KCNH7: variants seen among roughly 807,000 people sequenced by gnomAD.
The protein encoded by KCNH7 is voltage-gated inwardly rectifying potassium channel KCNH7.
In KCNH7, 49 loss-of-function variants were observed where a neutral mutation model predicts 120.8. The ratio of observed to expected loss-of-function variants is 0.41; its 90% confidence interval spans 0.32 to 0.51. The LOEUF (loss-of-function observed/expected upper bound fraction) is 0.51. KCNH7 is among the 20% of genes least tolerant of loss of function. The pLI, the probability that KCNH7 is intolerant of heterozygous loss-of-function variation, is 0.38. For missense variants in KCNH7, 1,097 were observed against 1,446.6 expected, an observed-to-expected ratio of 0.76 and a Z score of 3.92; for synonymous variants, 547 against 516.1, an observed-to-expected ratio of 1.06 and a Z score of -0.81.
In KCNH7 at chr2:162,423,384, T is replaced by C. The variant is rs1167541536; in HGVS notation, c.2106A>G (p.Glu702=). Residue 702 remains glutamate, a synonymous_variant, in exon 9 of 16, where the codon GAA becomes GAG. Transcript: ENST00000332142. ...IPNPLRQRLE[E]YFQHAWTYTN... ...TGTAAGTCCATGCGTGCTGGAAATA[T>C]TCTTCAAGACGTTGCCTCAGAGGGT... 1.9e-6 allele frequency: 3 copies of C among 1,614,146 alleles called. No individual in the cohort carries two copies. The highest frequency in any genetic ancestry group is 1.7e-5 in the Admixed American group (1 of 60,014).
chr2:162,376,613 C>T (rs796582994), intron 14 of KCNH7, among the ~76,000 whole-genome samples: 3 of 152,162 alleles, frequency 2.0e-5, no homozygotes, highest in Non-Finnish European at 2.9e-5. Flanking sequence ...CTACCTGCCT[C>T]GGCCTTTCAA....
At chr2:162,488,808 G>A (rs551296997) in intron 6 of KCNH7, among the ~76,000 whole-genome samples, 27 of 152,132 alleles carry the variant, frequency 1.8e-4, no homozygotes, top group Admixed American at 2.6e-4. Flanking sequence ...CCCATGAGTC[G>A]ACCACTTCCC....
At chr2:162,400,704 C>G (rs1573915404) in intron 9 of KCNH7, among the ~76,000 whole-genome samples, 1 of 151,874 alleles carries the variant, frequency 6.6e-6, no homozygotes, top group Non-Finnish European at 1.5e-5. Context: ...ATGCCTACAA[C>G]TTTTCACACT....
chr2:162,644,611 T>C (rs2105244692), intron 2 of KCNH7, among the ~76,000 whole-genome samples: 1 of 152,302 alleles, frequency 6.6e-6, no homozygotes, highest in Admixed American at 6.5e-5. Context: ...TAAGAGATAA[T>C]GGCCATTCAT....
At chr2:162,386,956 G>A (rs909453728) in intron 12 of KCNH7, among the ~76,000 whole-genome samples, 2 of 151,572 alleles carry the variant, frequency 1.3e-5, no homozygotes, top group African/African-American at 4.8e-5. Flanking sequence ...TTTACAAAAT[G>A]TGGTCAGTGA....
intron 2 of KCNH7, among the ~76,000 whole-genome samples, chr2:162,811,115 A>G (rs761671757): frequency 1.3e-5 from 2 of 152,158 alleles, no homozygotes; most frequent in Non-Finnish European, 2.9e-5. Flanking sequence ...TGCTGGTCTT[A>G]TGTCCCTTTG....
intron 2 of KCNH7, among the ~76,000 whole-genome samples, chr2:162,752,952 A>AGAAAAGAAAGGAAAG (rs1688632693): frequency 9.1e-6 from 1 of 109,606 alleles, no homozygotes; most frequent in Non-Finnish European, 1.6e-5. Flanking sequence ...AGAAAAGAAA[A>AGAAAAGAAAGGAAAG]GAAAAGAAAA....
At chr2:162,690,679 G>A (rs1686069502) in intron 2 of KCNH7, among the ~76,000 whole-genome samples, 1 of 152,028 alleles carries the variant, frequency 6.6e-6, no homozygotes, top group Non-Finnish European at 1.5e-5. Context: ...CTGGCATCCT[G>A]GGACTTTTCT....
intron 2 of KCNH7, among the ~76,000 whole-genome samples, chr2:162,615,713 T>C (rs1174351357): frequency 6.6e-6 from 1 of 152,182 alleles, no homozygotes; most frequent in Non-Finnish European, 1.5e-5. Flanking sequence ...GTTAAGGTGG[T>C]AAAACAATGA....
At chr2:162,827,000 G>A (rs939744681) in intron 2 of KCNH7, among the ~76,000 whole-genome samples, 11 of 152,066 alleles carry the variant, frequency 7.2e-5, no homozygotes, top group Non-Finnish European at 1.0e-4. Context: ...GGGACATTAA[G>A]GCTATCTCAG....
chr2:162,788,681 T>TA (rs1348667194), intron 2 of KCNH7, among the ~76,000 whole-genome samples: 6 of 150,638 alleles, frequency 4.0e-5, no homozygotes, highest in Admixed American at 1.3e-4. Context: ...AGAAACAAAC[T>TA]AAAAAAAAGA....
At chr2:162,396,114 G>T (rs187750041) in intron 11 of KCNH7, among the ~76,000 whole-genome samples, 2 of 151,780 alleles carry the variant, frequency 1.3e-5, no homozygotes, top group African/African-American at 4.8e-5. Context: ...CAGTAGAAAA[G>T]AGTAAGGAAC....
At chr2:162,820,882 G>A (rs905149969) in intron 2 of KCNH7, among the ~76,000 whole-genome samples, 15 of 151,736 alleles carry the variant, frequency 9.9e-5, no homozygotes, top group African/African-American at 3.1e-4. Context: ...GAGAACTAAT[G>A]AATTTACTTT....
intron 6 of KCNH7, among the ~76,000 whole-genome samples, chr2:162,466,608 T>C (rs898470181): frequency 1.3e-5 from 2 of 152,170 alleles, no homozygotes; most frequent in African/African-American, 2.4e-5. Flanking sequence ...CTGTGATTTG[T>C]TGTGTTTTCC....
chr2:162,446,737 A>G (rs1688594151), intron 6 of KCNH7, among the ~76,000 whole-genome samples: 1 of 152,140 alleles, frequency 6.6e-6, no homozygotes, highest in Non-Finnish European at 1.5e-5. Flanking sequence ...TTTGGAACGT[A>G]GTACATCTCA....
At chr2:162,796,379 G>GT (rs1489859383) in intron 2 of KCNH7, 1 of 151,802 alleles carries the variant, frequency 6.6e-6, no homozygotes, top group Admixed American at 6.6e-5. Context: ...CCGTTTCCAA[G>GT]TAAAAAAAAA....
At chr2:162,434,041 T>C (rs1322184652) in intron 8 of KCNH7, among the ~76,000 whole-genome samples, 2 of 152,046 alleles carry the variant, frequency 1.3e-5, no homozygotes, top group Non-Finnish European at 1.5e-5. Flanking sequence ...TGGACTACTA[T>C]GCAGCCATAA....
At chr2:162,425,093 ACTGT>A (rs2105494836) in intron 8 of KCNH7, among the ~76,000 whole-genome samples, 1 of 152,208 alleles carries the variant, frequency 6.6e-6, no homozygotes, top group South Asian at 2.1e-4. Context: ...TCTGTGCTTG[ACTGT>A]CTGAGCAGGA....
At chr2:162,595,038 T>A (rs1323463910) in intron 2 of KCNH7, among the ~76,000 whole-genome samples, 2 of 152,202 alleles carry the variant, frequency 1.3e-5, no homozygotes, top group South Asian at 2.1e-4. Context: ...CACCCAAGAC[T>A]GGCTAATTTC....
Sources: gnomAD v4.1 joint callset for allele counts (sites outside exome capture counted in the v4.1 genomes callset) on GRCh38, gnomAD v4.1.1 for gene constraint, MANE v1.5 for transcripts, NCBI Gene and HGNC (gene_info 2026-07-23, HGNC 2026-07-21) for gene names.